PCDHA6: variants seen among roughly 807,000 people sequenced by gnomAD.
PCDHA6 encodes the protein protocadherin alpha-6.
Under a neutral mutation model 60.3 loss-of-function variants are expected in PCDHA6, and 55 were observed. The observed-to-expected ratio is 0.91, with a 90% CI of 0.73 to 1.14. PCDHA6 has a LOEUF of 1.14. Ranked by LOEUF, PCDHA6 falls within the 50% of genes most tolerant of loss-of-function variation. The probability of loss-of-function intolerance (pLI) is 0.00; values close to 1 mark genes in which losing one functional copy is unlikely to be tolerated. For missense variants in PCDHA6, 1,327 were observed against 1,256.5 expected (o/e 1.06, Z -0.85); for synonymous variants, 652 against 557.9 (o/e 1.17, Z -2.38).
chr5:140,927,068 C>T, intron 1 of PCDHA6: 1 of 1,611,218 alleles, frequency 6.2e-7, no homozygotes, highest in Non-Finnish European at 8.5e-7. Context: ...CGCTTCCTTT[C>T]CAGCCACCGC....
chr5:140,936,034 A>C (rs1554210820), intron 1 of PCDHA6, among the ~76,000 whole-genome samples: 1 of 151,842 alleles, frequency 6.6e-6, no homozygotes, highest in East Asian at 1.9e-4. Context: ...CGGGGATTAC[A>C]GGCACCCACC....
chr5:140,902,783 G>A (rs1013396334), intron 1 of PCDHA6, among the ~76,000 whole-genome samples: 19 of 151,054 alleles, frequency 1.3e-4, no homozygotes, highest in Admixed American at 9.2e-4. Flanking sequence ...TCATAGCTTA[G>A]CTCTCACTTG....
At chr5:140,843,385 T>A in intron 1 of PCDHA6, 1 of 1,595,902 alleles carries the variant, frequency 6.3e-7, no homozygotes, top group South Asian at 1.1e-5. Flanking sequence ...GCGTTTTGGG[T>A]CCGGAAGCGG....
In PCDHA6 at chr5:140,927,503, C is replaced by T. The variant is rs148532418; in HGVS notation, c.2395-51446C>T. On this transcript the variant is annotated intron_variant, in intron 1 of 3. Transcript: ENST00000529310. ...CGCGCCACCCACCTGCTGGTGCTTA[C>T]AGCTCGGGACGGCGGGCTACCTGCC... The T allele has an allele frequency of 1.2e-4, 190 of 1,614,128 alleles. No homozygotes were observed. In the African/African-American group the frequency reaches 2.3e-3, roughly 19 times the overall value.
chr5:140,957,736 C>T (rs1001757062), intron 1 of PCDHA6, among the ~76,000 whole-genome samples: 3 of 151,944 alleles, frequency 2.0e-5, no homozygotes, highest in Non-Finnish European at 4.4e-5. Context: ...ATTATATATA[C>T]TGACATGAAA....
At chr5:140,832,862 T>C (rs1232593064) in intron 1 of PCDHA6, among the ~76,000 whole-genome samples, 2 of 152,192 alleles carry the variant, frequency 1.3e-5, no homozygotes, top group African/African-American at 2.4e-5. Flanking sequence ...AGAGTCATGA[T>C]GTTTTACTGG....
At chr5:140,831,544 T>A (rs2150108470) in intron 1 of PCDHA6, among the ~76,000 whole-genome samples, 1 of 122,808 alleles carries the variant, frequency 8.1e-6, no homozygotes, top group Non-Finnish European at 1.7e-5. Flanking sequence ...TTTTTTTTTT[T>A]AAGAGATGGG....
rs376462906 is a variant in PCDHA6, at chr5:140,873,767, TCTC to T, written c.2394+43285_2394+43287del. Among the ~76,000 whole-genome samples, 393 of 152,280 alleles carry T rather than the reference TCTC, an allele frequency of 2.6e-3. 1 individual carries two copies. The highest frequency in any genetic ancestry group is 9.2e-3 in the African/African-American group (382 of 41,558). On this transcript the variant is annotated intron_variant, in intron 1 of 3. Transcript: ENST00000529310. ...TCTCCACCTCCCATGTTCAAGCAAT[TCTC>T]CTGCCTCAGCTTTCCGAGAAGCTGG...
intron 1 of PCDHA6, among the ~76,000 whole-genome samples, chr5:140,960,397 G>C (rs1322659184): frequency 6.6e-6 from 1 of 152,102 alleles, no homozygotes; most frequent in African/African-American, 2.4e-5. Flanking sequence ...AGGATGCAAG[G>C]GGGGGTGCCC....
At chr5:140,906,253 A>ACCTC (rs1329710908) in intron 1 of PCDHA6, among the ~76,000 whole-genome samples, 2 of 152,064 alleles carry the variant, frequency 1.3e-5, no homozygotes, top group African/African-American at 4.8e-5. Flanking sequence ...ACCCATACAC[A>ACCTC]CCTCCTGAAA....
rs1007708043 is a variant in PCDHA6 at position 140,967,271 on chromosome 5, A to G, written c.2395-11678A>G. 3.1e-6 allele frequency: 5 copies of G among 1,613,338 alleles called. No individual in the cohort carries two copies. The South Asian group carries it at 5.5e-5, about 18-fold the overall frequency. On this transcript the variant is annotated intron_variant, in intron 1 of 3. Transcript: ENST00000529310. The stretch of plus-strand genomic sequence containing the variant: ...GGTGGCGCCTGGAGCGCGCTTTCAC[A>G]TAGAGAGTGCGCAGGACCCCGACGT...
At chr5:140,863,693 C>G (rs2048122696) in intron 1 of PCDHA6, 2 of 301,444 alleles carry the variant, frequency 6.6e-6, no homozygotes, top group African/African-American at 2.2e-5. Flanking sequence ...TTTTGAGATG[C>G]TTTATTTAAA....
chr5:140,869,430 C>T (rs73793507), intron 1 of PCDHA6: 3 of 1,614,154 alleles, frequency 1.9e-6, no homozygotes, highest in South Asian at 2.2e-5. Context: ...TGGAGGTGAT[C>T]GTGGACAGGC....
At chr5:140,931,875 T>C (rs1457456146) in intron 1 of PCDHA6, among the ~76,000 whole-genome samples, 3 of 151,982 alleles carry the variant, frequency 2.0e-5, no homozygotes, top group African/African-American at 7.2e-5. Flanking sequence ...AAAATATTTA[T>C]TGCTTTCATT....
intron 1 of PCDHA6, among the ~76,000 whole-genome samples, chr5:140,845,454 C>T: frequency 6.7e-6 from 1 of 149,512 alleles, no homozygotes; most frequent in East Asian, 1.9e-4. Context: ...TTCTTCAACT[C>T]TCTGATATTT....
intron 1 of PCDHA6, chr5:140,843,360 C>T (rs2150358233): frequency 3.1e-6 from 5 of 1,595,970 alleles, no homozygotes; most frequent in East Asian, 2.2e-5. Context: ...AAAGCGTCAT[C>T]GAGGCAGTCG....
chr5:140,841,818 C>T lies in PCDHA6; in HGVS notation c.2394+11333C>T, dbSNP rs2150323435. ...TCCGATGCAGATGTTGGAGCTAACT[C>T]CGTGTTAACCTACAGGCTTAGCTCT... On this transcript the variant is annotated intron_variant, in intron 1 of 3. Coordinates refer to ENST00000529310, the MANE Select transcript of PCDHA6 (RefSeq NM_018909.4). The T allele has an allele frequency of 1.9e-6, 3 of 1,613,912 alleles. No homozygotes were observed. In the South Asian group the frequency reaches 3.3e-5, roughly 18 times the overall value.
intron 1 of PCDHA6, among the ~76,000 whole-genome samples, chr5:140,950,271 T>C (rs1202365274): frequency 6.6e-6 from 1 of 152,058 alleles, no homozygotes; most frequent in Non-Finnish European, 1.5e-5. Flanking sequence ...ATCCATAATG[T>C]CTTTTTGCTT....
chr5:141,000,416 TATA>T lies in PCDHA6; in HGVS notation c.2543-9210_2543-9208del, dbSNP rs1254571264. Among the ~76,000 whole-genome samples the T allele has an allele frequency of 5.1e-3, 472 of 93,246 alleles. 2 individuals carry two copies. Among genetic ancestry groups the T allele is most frequent in the Non-Finnish European group, 6.8e-3 (330 of 48,634 alleles). 61.2% of individuals were successfully genotyped at this position (93,246 alleles called of 152,430 possible). On this transcript the variant is annotated intron_variant, in intron 3 of 3. Transcript: ENST00000529310. ...CTCTCTATATATATATATATATATA[TATA>T]TATTTTTTTTTTTTTTTTTTTTTTT...
Sources: gnomAD v4.1 joint callset for allele counts (sites outside exome capture counted in the v4.1 genomes callset) on GRCh38, gnomAD v4.1.1 for gene constraint, MANE v1.5 for transcripts, NCBI Gene and HGNC (gene_info 2026-07-23, HGNC 2026-07-21) for gene names.